Variants in SLC24A2 observed in about 807,000 individuals in gnomAD.
SLC24A2 encodes sodium/potassium/calcium exchanger 2.
A neutral mutation model predicts 62.0 loss-of-function variants in SLC24A2; 36 were observed. The ratio of observed to expected loss-of-function variants is 0.58; its 90% CI spans 0.44 to 0.77. SLC24A2 has a LOEUF of 0.77. Ranked by LOEUF, SLC24A2 falls within the 30% of genes least tolerant of loss-of-function variation. The probability of loss-of-function intolerance (pLI) is 0.00; values close to 1 mark genes in which losing one functional copy is unlikely to be tolerated. For synonymous variants in SLC24A2, 358 were observed against 294.0 expected (o/e 1.22, Z -2.23); for missense variants, 846 against 817.9 (o/e 1.03, Z -0.42).
chr9:19,531,822 G>A (rs1008217350), intron 8 of SLC24A2, among the ~76,000 whole-genome samples: 1 of 150,766 alleles, frequency 6.6e-6, no homozygotes, highest in South Asian at 2.1e-4. Flanking sequence ...ATCTCTTTAA[G>A]CTTAGGTTTC....
chr9:19,810,799 A>T, the SLC24A2 span, among the ~76,000 whole-genome samples: 795 of 147,880 alleles, frequency 5.4e-3, 10 homozygotes, highest in African/African-American at 0.02. Flanking sequence ...GGATAATCTT[A>T]AAAAAATGTG....
chr9:19,911,252 G>C, the SLC24A2 span, among the ~76,000 whole-genome samples: 3 of 151,852 alleles, frequency 2.0e-5, no homozygotes, highest in African/African-American at 7.3e-5. Context: ...TGAACTCATC[G>C]TTTTTTATGG....
At chr9:19,919,212 C>T in the SLC24A2 span, among the ~76,000 whole-genome samples, 2 of 152,036 alleles carry the variant, frequency 1.3e-5, no homozygotes, top group African/African-American at 2.4e-5. Context: ...GGCTTGCTCC[C>T]GGGGGGTTCA....
intron 2 of SLC24A2, among the ~76,000 whole-genome samples, chr9:19,680,984 G>A (rs746678624): frequency 1.3e-5 from 2 of 151,842 alleles, no homozygotes; most frequent in East Asian, 1.9e-4. Flanking sequence ...TCCCTGCCCT[G>A]TCTGCCTTCA....
At chr9:20,108,455 C>T in the SLC24A2 span, among the ~76,000 whole-genome samples, 1 of 152,234 alleles carries the variant, frequency 6.6e-6, no homozygotes, top group Non-Finnish European at 1.5e-5. Context: ...ACCCAAATGT[C>T]CAACAGTGAT....
At chr9:20,049,163 A>C in the SLC24A2 span, among the ~76,000 whole-genome samples, 1 of 152,232 alleles carries the variant, frequency 6.6e-6, no homozygotes, top group East Asian at 1.9e-4. Flanking sequence ...ATGGGCAGCA[A>C]ACTCTATTTT....
chr9:19,907,506 T>G, the SLC24A2 span, among the ~76,000 whole-genome samples: 544 of 152,146 alleles, frequency 3.6e-3, 5 homozygotes, highest in African/African-American at 0.012. Context: ...GAAATAAAGG[T>G]TATTCAAGTA....
the SLC24A2 span, among the ~76,000 whole-genome samples, chr9:19,828,414 T>G: frequency 6.6e-6 from 1 of 152,086 alleles, no homozygotes; most frequent in Non-Finnish European, 1.5e-5. Flanking sequence ...TAATAACTAT[T>G]TATTACCCAT....
At chr9:19,822,310 C>T in the SLC24A2 span, among the ~76,000 whole-genome samples, 3 of 152,128 alleles carry the variant, frequency 2.0e-5, no homozygotes, top group African/African-American at 7.2e-5. Context: ...GACCCTTTAA[C>T]GGCTTGTCAC....
chr9:20,259,275 A>G, the SLC24A2 span, among the ~76,000 whole-genome samples: 1 of 152,186 alleles, frequency 6.6e-6, no homozygotes, highest in Non-Finnish European at 1.5e-5. Context: ...TTAAAAGATT[A>G]TGTTATTTTA....
the SLC24A2 span, among the ~76,000 whole-genome samples, chr9:19,806,483 T>A: frequency 6.6e-6 from 1 of 152,274 alleles, no homozygotes; most frequent in South Asian, 2.1e-4. Context: ...TCTTTCTATA[T>A]AAGGTTTACT....
chr9:19,690,143 C>G (rs1002743742), intron 2 of SLC24A2, among the ~76,000 whole-genome samples: 11 of 151,488 alleles, frequency 7.3e-5, no homozygotes, highest in African/African-American at 2.7e-4. Context: ...TATAGTAAAT[C>G]TCTCTCTCTC....
At chr9:20,134,264 T>C in the SLC24A2 span, among the ~76,000 whole-genome samples, 6 of 152,180 alleles carry the variant, frequency 3.9e-5, no homozygotes, top group African/African-American at 1.2e-4. Context: ...ATTACAAAGA[T>C]AGATATATAT....
the SLC24A2 span, among the ~76,000 whole-genome samples, chr9:20,165,721 T>C: frequency 6.6e-6 from 1 of 151,836 alleles, no homozygotes; most frequent in Non-Finnish European, 1.5e-5. Flanking sequence ...GTCTATAACT[T>C]GGGTAAAGGA....
chr9:19,523,594 C>G (rs1370734807), intron 9 of SLC24A2, among the ~76,000 whole-genome samples: 1 of 152,084 alleles, frequency 6.6e-6, no homozygotes, highest in Non-Finnish European at 1.5e-5. Flanking sequence ...TCCCAAGTAG[C>G]TGGGATTACA....
intron 9 of SLC24A2, among the ~76,000 whole-genome samples, chr9:19,526,060 A>G (rs1482746772): frequency 1.3e-5 from 2 of 152,078 alleles, no homozygotes; most frequent in African/African-American, 2.4e-5. Context: ...ATATGTCTCT[A>G]TAGATTTGCC....
chr9:19,693,812 C>T (rs1044698709), intron 2 of SLC24A2, among the ~76,000 whole-genome samples: 1 of 151,922 alleles, frequency 6.6e-6, no homozygotes, highest in Non-Finnish European at 1.5e-5. Flanking sequence ...TTAAAAATAA[C>T]TTCTTCCCTT....
the SLC24A2 span, among the ~76,000 whole-genome samples, chr9:20,016,901 T>A: frequency 6.6e-6 from 1 of 152,210 alleles, no homozygotes; most frequent in Non-Finnish European, 1.5e-5. Flanking sequence ...ATTTTTACAA[T>A]GAATATAAAC....
chr9:20,130,173 T>G, the SLC24A2 span, among the ~76,000 whole-genome samples: 1 of 152,112 alleles, frequency 6.6e-6, no homozygotes, highest in Non-Finnish European at 1.5e-5. Flanking sequence ...TTCTTAAATA[T>G]GTACAAAACT....
Sources: gnomAD v4.1 joint callset for allele counts (sites outside exome capture counted in the v4.1 genomes callset) on GRCh38, gnomAD v4.1.1 for gene constraint, MANE v1.5 for transcripts, NCBI Gene and HGNC (gene_info 2026-07-23, HGNC 2026-07-21) for gene names.